Variants in RASA3 observed in about 807,000 individuals in gnomAD.
The protein encoded by RASA3 is ras GTPase-activating protein 3.
Under a neutral mutation model 110.0 loss-of-function variants are expected in RASA3, and 73 were observed. The observed-to-expected ratio is 0.66, with a 90% CI of 0.55 to 0.81. The LOEUF (loss-of-function observed/expected upper bound fraction) is 0.81, where lower values mean the gene tolerates loss of function less well. Among genes scored for constraint, RASA3 ranks in the 30% least tolerant of loss-of-function variants. RASA3 has a pLI of 0.00. For synonymous variants in RASA3, 500 were observed against 451.4 expected, an observed-to-expected ratio of 1.11 and a Z score of -1.37; for missense variants, 976 against 1,113.2, an observed-to-expected ratio of 0.88 and a Z score of 1.75.
intron 20 of RASA3, among the ~76,000 whole-genome samples, chr13:113,997,789 G>A (rs956904866): frequency 1.3e-5 from 2 of 152,164 alleles, no homozygotes; most frequent in African/African-American, 2.4e-5. Context: ...CTTCTCTAGG[G>A]GACGGGCCTT....
rs773465757 is a variant in RASA3, at chr13:114,024,264, G to C, written c.680+15C>G. The C allele has an allele frequency of 1.2e-5, 20 of 1,613,052 alleles. No homozygotes were observed. Among genetic ancestry groups the C allele is most frequent in the Non-Finnish European group, 1.6e-5 (19 of 1,179,184 alleles). On this transcript the variant is annotated intron_variant, in intron 8 of 23. Coordinates refer to ENST00000334062, the MANE Select transcript of RASA3 (RefSeq NM_007368.4). ...AAAACTGCCAAGTTGGGGACGCGGA[G>C]CCTGGTTTTCTCACCTGATTTCGAG... is the stretch of plus-strand genomic sequence containing the variant.
At chr13:114,047,936 ACACAACTGCATACAC>A (rs2079080081) in intron 3 of RASA3, among the ~76,000 whole-genome samples, 1 of 152,230 alleles carries the variant, frequency 6.6e-6, no homozygotes, top group South Asian at 2.1e-4. Flanking sequence ...GCTGCTGTCT[ACACAACTGCATACAC>A]TGGTGAAGGC....
intron 1 of RASA3, among the ~76,000 whole-genome samples, chr13:114,075,816 G>A: frequency 1.1e-5 from 1 of 92,620 alleles, no homozygotes; most frequent in African/African-American, 4.6e-5. Flanking sequence ...GGCGCCGGCA[G>A]GACGAAGCCT....
intron 17 of RASA3, among the ~76,000 whole-genome samples, 182 bp from the exon 18 acceptor site, chr13:114,007,788 C>G (rs1480896314): frequency 1.3e-5 from 2 of 152,234 alleles, no homozygotes; most frequent in Non-Finnish European, 2.9e-5. Flanking sequence ...GCCACCCCAG[C>G]CCCGGCACTG....
intron 2 of RASA3, among the ~76,000 whole-genome samples, chr13:114,055,177 T>C (rs545351693): frequency 9.2e-5 from 14 of 152,290 alleles, no homozygotes; most frequent in Admixed American, 4.6e-4. Flanking sequence ...CATGGGTGTG[T>C]GCATGCATGT....
At chr13:113,979,547 G>T in intron 23 of RASA3, 125 bp from the exon 24 acceptor site, 1 of 804,638 alleles carries the variant, frequency 1.2e-6, no homozygotes, top group African/African-American at 1.7e-5. Context: ...ACAAAAAATA[G>T]AGGAGCCAAA....
At chr13:114,073,867 G>T in intron 1 of RASA3, 30 bp from the exon 2 acceptor site, 1 of 1,550,252 alleles carries the variant, frequency 6.5e-7, no homozygotes, top group Non-Finnish European at 8.9e-7. Flanking sequence ...TACATCATCA[G>T]CAGCGTAGAA....
Position 114,027,446 on chromosome 13 carries a change from C to T in RASA3, c.546G>A (p.Lys182=). ...TGTTGGTCTTCCTCTTCACTTTCGT[C>T]TTCTTTGCTTCTGATCTGTTATCAA... ...LAGPFRSEAK[K]TKVKRKTNNP... Residue 182 remains lysine (K), a synonymous_variant, in exon 7 of 24, where the codon AAG becomes AAA. Transcript: ENST00000334062. 1.2e-6 allele frequency: 2 copies of T among 1,612,244 alleles called. No individual in the cohort carries two copies. Among genetic ancestry groups the T allele is most frequent in the Non-Finnish European group, 1.7e-6 (2 of 1,178,362 alleles).
In RASA3 at chr13:114,014,883, GC is replaced by G. The variant is rs527367826; in HGVS notation, c.1405+325del. On this transcript the variant is annotated intron_variant, in intron 14 of 23. Coordinates refer to ENST00000334062, the MANE Select transcript of RASA3 (RefSeq NM_007368.4). This position sits in a 1 kb window ranked among gnomAD's most constrained non-coding sequence, Gnocchi z 4.5. ...CGACAAAGCCTGGCCACCCTTCCCG[GC>G]CCCCCCAGAGACCACTGTGGTCGTG... Among the ~76,000 whole-genome samples the G allele has an allele frequency of 6.6e-6, 1 of 151,964 alleles. No individual in the cohort carries two copies. Among genetic ancestry groups the G allele is most frequent in the Non-Finnish European group, 1.5e-5 (1 of 67,974 alleles).
At position 114,057,871 on chromosome 13, in the gene RASA3, A is replaced by G. The variant is rs967078539; in HGVS notation, c.174-5716T>C. ...TCCCTGGGGTGCGGGCTCGGCCTGCAGGATGGAGGCTGGAGAGCTGCCATC... is the reference window on the plus strand; with the variant it reads ...TCCCTGGGGTGCGGGCTCGGCCTGCGGGATGGAGGCTGGAGAGCTGCCATC... On this transcript the variant is annotated intron_variant, in intron 2 of 23. Coordinates refer to ENST00000334062, the MANE Select transcript of RASA3 (RefSeq NM_007368.4). This position sits in a 1 kb window ranked among gnomAD's most constrained non-coding sequence, Gnocchi z 5.0. 6.6e-6 allele frequency among the ~76,000 whole-genome samples: 1 copy of G among 152,214 alleles called. No homozygotes were observed.
chr13:114,000,205 T>TGGGCCGGAGGAGGTGCCCC (rs2053362442), intron 19 of RASA3, among the ~76,000 whole-genome samples: 3 of 150,582 alleles, frequency 2.0e-5, no homozygotes, highest in Non-Finnish European at 4.4e-5. Flanking sequence ...TGGGGTGCCC[T>TGGGCCGGAGGAGGTGCCCC]GGGCCGGAGG....
intron 2 of RASA3, among the ~76,000 whole-genome samples, chr13:114,062,059 GC>G (rs771673841): frequency 6.6e-6 from 1 of 152,306 alleles, no homozygotes; most frequent in Non-Finnish European, 1.5e-5. Context: ...TCTGGGGTCT[GC>G]AGGTTCCATC....
At chr13:114,009,655 A>C (rs968556838) in intron 16 of RASA3, among the ~76,000 whole-genome samples, 191 bp from the exon 17 acceptor site, 1 of 152,224 alleles carries the variant, frequency 6.6e-6, no homozygotes. Context: ...CTCAGGCGCC[A>C]ACGAAGACCA....
intron 15 of RASA3, among the ~76,000 whole-genome samples, chr13:114,012,826 A>C (rs868048811): frequency 8.0e-4 from 36 of 44,950 alleles, no homozygotes; most frequent in Admixed American, 1.1e-3. Flanking sequence ...TCATTCCACA[A>C]ACACTCCCCA....
At chr13:114,066,979 T>C (rs1180451811) in intron 2 of RASA3, among the ~76,000 whole-genome samples, 1 of 120,186 alleles carries the variant, frequency 8.3e-6, no homozygotes, top group Non-Finnish European at 1.7e-5. Context: ...CAGGCCCCCC[T>C]ACCTGGGCTG....
At chr13:113,980,109 C>T (rs1463706460) in intron 23 of RASA3, among the ~76,000 whole-genome samples, 2 of 141,888 alleles carry the variant, frequency 1.4e-5, no homozygotes, top group Non-Finnish European at 3.0e-5. Flanking sequence ...GCACCCCTCT[C>T]GCATGTGTGC....
chr13:114,018,397 A>C, intron 10 of RASA3, 145 bp from the exon 11 acceptor site: 2 of 1,179,928 alleles, frequency 1.7e-6, no homozygotes, highest in Non-Finnish European at 2.3e-6. Flanking sequence ...CAAAAACACC[A>C]AACTTCCCAT....
At chr13:114,110,217 CA>C (rs2139761106) in intron 1 of RASA3, among the ~76,000 whole-genome samples, 1 of 152,340 alleles carries the variant, frequency 6.6e-6, no homozygotes, top group South Asian at 2.1e-4. Flanking sequence ...CAGCAGTCCC[CA>C]GGGGGGCCTG....
intron 1 of RASA3, among the ~76,000 whole-genome samples, chr13:114,082,888 A>C (rs1049757187): frequency 6.6e-6 from 1 of 152,184 alleles, no homozygotes; most frequent in Non-Finnish European, 1.5e-5. Context: ...AAATAATGAG[A>C]TACACAGTCC....
Sources: gnomAD v4.1 joint callset for allele counts (sites outside exome capture counted in the v4.1 genomes callset) on GRCh38, gnomAD v4.1.1 for gene constraint, Gnocchi (gnomAD v3.1) non-coding constraint, MANE v1.5 for transcripts, NCBI Gene and HGNC (gene_info 2026-07-23, HGNC 2026-07-21) for gene names.